MBOAT1: variants seen among roughly 807,000 people sequenced by gnomAD.
MBOAT1 encodes membrane bound glycerophospholipid O-acyltransferase 1.
In MBOAT1, 67 loss-of-function variants were observed where a neutral mutation model predicts 64.4. The observed-to-expected ratio is 1.04, with a 90% CI of 0.85 to 1.27. The LOEUF is 1.27. Ranked by LOEUF, MBOAT1 falls within the 50% of genes most tolerant of loss-of-function variation. MBOAT1 has a pLI of 0.00. For missense variants in MBOAT1, 563 were observed against 604.6 expected (o/e 0.93, Z 0.72); for synonymous variants, 229 against 218.9 (o/e 1.05, Z -0.41).
rs1249618693 is a variant in MBOAT1 at position 20,100,519 on chromosome 6, G to C, written c.*1767C>G. 6.6e-6 allele frequency among the ~76,000 whole-genome samples: 1 copy of C among 152,022 alleles called. No individual in the cohort carries two copies. Among genetic ancestry groups the C allele is most frequent in the African/African-American group, 2.4e-5 (1 of 41,380 alleles). ...CATCTACTACTTCTTAACTTCCACT[G>C]TCCCAAATAAGGACTAAAGTTTGGG... On this transcript the variant is annotated 3_prime_UTR_variant, in exon 13 of 13. Transcript: ENST00000324607.
In MBOAT1 at chr6:20,159,020, A is replaced by G. The variant is rs141565939; in HGVS notation, c.100-6251T>C. Among the ~76,000 whole-genome samples the G allele has an allele frequency of 6.3e-3, 963 of 152,344 alleles. 15 individuals carry two copies. Among genetic ancestry groups the G allele is most frequent in the African/African-American group, 0.021 (892 of 41,584 alleles). On this transcript the variant is annotated intron_variant, in intron 1 of 12. Transcript: ENST00000324607. ...TGGAAAACGGTATGGAAGTTCCTCA[A>G]AAAACTACAACTAGAATTTGCCACA...
intron 1 of MBOAT1, among the ~76,000 whole-genome samples, chr6:20,195,975 G>A (rs1391695242): frequency 1.3e-5 from 2 of 152,024 alleles, no homozygotes; most frequent in African/African-American, 4.8e-5. Context: ...CCAAAGCCAG[G>A]ACCCCTCCTA....
At chr6:20,181,672 C>T (rs1047584225) in intron 1 of MBOAT1, among the ~76,000 whole-genome samples, 1 of 152,216 alleles carries the variant, frequency 6.6e-6, no homozygotes, top group African/African-American at 2.4e-5. Context: ...CATAAGGCGG[C>T]CTCGGTGCCC....
rs749217069 is a variant in MBOAT1, at chr6:20,102,306, T to A, written c.1468A>T (p.Asn490Tyr). 4 of 1,613,884 alleles carry A rather than the reference T, an allele frequency of 2.5e-6. No individual in the cohort carries two copies. Among genetic ancestry groups the A allele is most frequent in the Non-Finnish European group, 3.4e-6 (4 of 1,179,928 alleles). Residue 490 changes from asparagine to tyrosine, a missense_variant, in exon 13 of 13, where the codon AAT (asparagine) becomes TAT (tyrosine). By Grantham distance (143) the Asn-to-Tyr change is moderately radical. Coordinates refer to ENST00000324607, the MANE Select transcript of MBOAT1 (RefSeq NM_001080480.3). The part of the protein sequence containing the change: ...QRRPQTLNSI[N>Y]KRKTD ...AGGTATCAATCTGTTTTTCTCTTAT[T>A]AATAGAGTTCAGAGTCTGAGGCCGC...
chr6:20,130,556 T>C (rs1405764032), intron 5 of MBOAT1, among the ~76,000 whole-genome samples: 1 of 152,148 alleles, frequency 6.6e-6, no homozygotes, highest in Non-Finnish European at 1.5e-5. Context: ...GGTTTCATCA[T>C]GTTGGTCAGG....
chr6:20,181,255 G>A (rs1252442016), intron 1 of MBOAT1, among the ~76,000 whole-genome samples: 1 of 152,164 alleles, frequency 6.6e-6, no homozygotes, highest in East Asian at 1.9e-4. Flanking sequence ...GCCACCTCTG[G>A]ATGGCCAGAG....
In MBOAT1 at chr6:20,102,272, T is replaced by C; in HGVS notation, c.*14A>G. ...CGTTCTGCAGTTTTGCTTGTTCCGC[T>C]TCTCTTGGAGGTATCAATCTGTTTT... On this transcript the variant is annotated 3_prime_UTR_variant, in exon 13 of 13. Transcript: ENST00000324607. 1 of 1,610,642 alleles carries C rather than the reference T, an allele frequency of 6.2e-7. No individual in the cohort carries two copies. The highest frequency in any genetic ancestry group is 1.3e-5 in the African/African-American group (1 of 74,854).
intron 1 of MBOAT1, among the ~76,000 whole-genome samples, chr6:20,206,435 A>T (rs2113777592): frequency 6.6e-6 from 1 of 152,214 alleles, no homozygotes; most frequent in Non-Finnish European, 1.5e-5. Flanking sequence ...CGGCCTCCCA[A>T]AGTGCTGGGA....
intron 4 of MBOAT1, among the ~76,000 whole-genome samples, chr6:20,132,779 A>G (rs563387991): frequency 2.0e-5 from 3 of 152,236 alleles, no homozygotes; most frequent in Admixed American, 6.5e-5. Flanking sequence ...AAGTGAAAAG[A>G]TATTTCAAGG....
intron 1 of MBOAT1, among the ~76,000 whole-genome samples, chr6:20,192,991 A>ATTTTTTTTTTTTTTTTT (rs1238333593): frequency 1.7e-5 from 1 of 59,844 alleles, no homozygotes; most frequent in Non-Finnish European, 3.8e-5. Flanking sequence ...GTATGCTATA[A>ATTTTTTTTTTTTTTTTT]TTTCTTTTTT....
intron 8 of MBOAT1, among the ~76,000 whole-genome samples, chr6:20,119,968 G>T (rs1486358752): frequency 6.7e-6 from 1 of 150,178 alleles, no homozygotes; most frequent in African/African-American, 2.5e-5. Context: ...TAAGAGAAGA[G>T]AATAATGATA....
chr6:20,103,770 G>A (rs763075963), intron 12 of MBOAT1, among the ~76,000 whole-genome samples: 2 of 152,254 alleles, frequency 1.3e-5, no homozygotes, highest in East Asian at 1.9e-4. Context: ...GAAAGAGTCC[G>A]TTTTTAAAAC....
At chr6:20,111,437 C>T (rs530543118) in intron 11 of MBOAT1, among the ~76,000 whole-genome samples, 92 of 152,236 alleles carry the variant, frequency 6.0e-4, no homozygotes, top group African/African-American at 2.2e-3. Flanking sequence ...AATCTCCTTC[C>T]AGACAAAATA....
At chr6:20,121,467 G>A (rs565224749) in intron 8 of MBOAT1, among the ~76,000 whole-genome samples, 1 of 152,190 alleles carries the variant, frequency 6.6e-6, no homozygotes, top group Non-Finnish European at 1.5e-5. Context: ...GCATGGGGGG[G>A]AGTAAAAGAG....
chr6:20,211,972 ACACAC>A (rs1763437226), intron 1 of MBOAT1, 159 bp downstream of exon 1: 5 of 458,858 alleles, frequency 1.1e-5, no homozygotes, highest in African/African-American at 4.6e-5. Flanking sequence ...AAGGGAAAAC[ACACAC>A]ACACACACAC....
chr6:20,148,077 G>C (rs558387007), intron 3 of MBOAT1, among the ~76,000 whole-genome samples: 3 of 152,170 alleles, frequency 2.0e-5, no homozygotes, highest in South Asian at 2.1e-4. Flanking sequence ...GGAAACACAG[G>C]GGGTATCCCC....
At chr6:20,136,137 T>A (rs545334889) in intron 4 of MBOAT1, among the ~76,000 whole-genome samples, 2 of 152,232 alleles carry the variant, frequency 1.3e-5, no homozygotes, top group Non-Finnish European at 2.9e-5. Flanking sequence ...AATAAGCAAC[T>A]CCAGAAGTTG....
intron 1 of MBOAT1, among the ~76,000 whole-genome samples, chr6:20,204,497 G>T (rs1363999176): frequency 6.6e-6 from 1 of 152,056 alleles, no homozygotes; most frequent in Non-Finnish European, 1.5e-5. Flanking sequence ...AAAAGGCAGA[G>T]CAATGTGATA....
intron 1 of MBOAT1, among the ~76,000 whole-genome samples, chr6:20,183,091 A>C (rs1467462978): frequency 6.6e-6 from 1 of 152,182 alleles, no homozygotes; most frequent in East Asian, 1.9e-4. Flanking sequence ...ACCTGTAGCC[A>C]CAGAGAACTC....
Sources: allele counts gnomAD v4.1 joint callset (sites outside exome capture counted in the v4.1 genomes callset), GRCh38; gene constraint gnomAD v4.1.1; transcripts MANE v1.5; gene names NCBI Gene and HGNC (gene_info 2026-07-23, HGNC 2026-07-21).